CCDC150: variants seen among roughly 807,000 people sequenced by gnomAD.
The protein encoded by CCDC150 is coiled-coil domain-containing protein 150.
Under a neutral mutation model 156.5 loss-of-function variants are expected in CCDC150, and 151 were observed. The ratio of observed to expected loss-of-function variants is 0.97; its 90% CI spans 0.85 to 1.10. CCDC150 has a LOEUF of 1.10. Ranked by LOEUF, CCDC150 falls within the 50% of genes least tolerant of loss-of-function variation. The pLI, the probability that CCDC150 is intolerant of heterozygous loss-of-function variation, is 0.00. For missense variants in CCDC150, 1,312 were observed against 1,268.1 expected (o/e 1.03, Z -0.53); for synonymous variants, 452 against 429.4 (o/e 1.05, Z -0.65).
chr2:196,676,610 A>G lies in CCDC150; in HGVS notation c.1319A>G (p.Lys440Arg), dbSNP rs1694519734. The G allele has an allele frequency of 6.2e-7, 1 of 1,613,790 alleles. No homozygotes were observed. Among genetic ancestry groups the G allele is most frequent in the Non-Finnish European group, 8.5e-7 (1 of 1,179,734 alleles). The change falls in exon 12 of 28, where the codon AAG (lysine) becomes AGG (arginine). Residue 440 changes from lysine to arginine, a missense_variant. Lys to Arg is a conservative substitution (Grantham distance 26). Coordinates refer to ENST00000389175, the MANE Select transcript of CCDC150 (RefSeq NM_001080539.2). ...QCIQKAQDAE[K>R]RTAVQKELLE... ...ATCCAGAAAGCACAGGATGCTGAAA[A>G]GAGAACAGCTGTGCAAAAAGAGCTG...
intron 15 of CCDC150, among the ~76,000 whole-genome samples, chr2:196,705,362 C>T (rs372459241): frequency 6.6e-6 from 1 of 152,256 alleles, no homozygotes; most frequent in East Asian, 1.9e-4. Flanking sequence ...CTTTTGAAAA[C>T]TGTCTGTTCA....
chr2:196,671,984 C>G (rs1314468225), intron 8 of CCDC150, among the ~76,000 whole-genome samples: 1 of 152,154 alleles, frequency 6.6e-6, no homozygotes, highest in Non-Finnish European at 1.5e-5. Context: ...AAACTGTCTT[C>G]CAAAGTAGCT....
At chr2:196,685,910 A>G (rs999511680) in intron 13 of CCDC150, among the ~76,000 whole-genome samples, 5 of 152,040 alleles carry the variant, frequency 3.3e-5, no homozygotes, top group African/African-American at 9.7e-5. Flanking sequence ...CACCGCGCCC[A>G]GCCGGTTGAA....
intron 17 of CCDC150, among the ~76,000 whole-genome samples, chr2:196,715,113 A>ATT (rs1162022659): frequency 6.6e-6 from 1 of 152,102 alleles, no homozygotes; most frequent in Admixed American, 6.5e-5. Flanking sequence ...ATTTAGCAAT[A>ATT]TTTATCACAA....
At chr2:196,658,631 GTAATAA>G (rs893149349) in intron 4 of CCDC150, among the ~76,000 whole-genome samples, 155 bp from the exon 5 acceptor site, 20 of 151,936 alleles carry the variant, frequency 1.3e-4, no homozygotes, top group African/African-American at 4.6e-4. Context: ...GTAACTCCTG[GTAATAA>G]TTACTTCAGA....
rs1236211176 is a variant in CCDC150, at chr2:196,704,049, C to G, written c.1695+2869C>G. Reference sequence around the variant, plus strand: ...CTTGGAGCACATAACTCTTACAAGACAATTTAAAGGAAGAGCTGTATACTA... The same window carrying G: ...CTTGGAGCACATAACTCTTACAAGAGAATTTAAAGGAAGAGCTGTATACTA... On this transcript the variant is annotated intron_variant, in intron 15 of 27. Coordinates refer to ENST00000389175, the MANE Select transcript of CCDC150 (RefSeq NM_001080539.2). 2.0e-5 allele frequency among the ~76,000 whole-genome samples: 3 copies of G among 152,212 alleles called. No individual in the cohort carries two copies. In the East Asian group the frequency reaches 5.8e-4, roughly 29 times the overall value.
chr2:196,712,355 A>G, intron 16 of CCDC150, 103 bp downstream of exon 16: 1 of 649,814 alleles, frequency 1.5e-6, no homozygotes, highest in Non-Finnish European at 2.6e-6. Flanking sequence ...AGAAAGATAA[A>G]TATGCTGTCA....
chr2:196,704,180 A>T (rs1696431827), intron 15 of CCDC150, among the ~76,000 whole-genome samples: 1 of 152,258 alleles, frequency 6.6e-6, no homozygotes, highest in Non-Finnish European at 1.5e-5. Context: ...TTCAGAATCA[A>T]CTTGTTAATG....
chr2:196,676,308 T>C, intron 11 of CCDC150, 41 bp downstream of exon 11: 1 of 1,605,246 alleles, frequency 6.2e-7, no homozygotes, highest in Middle Eastern at 1.7e-4. Context: ...TCTTTTGTTC[T>C]TGCATGTGTG....
chr2:196,645,556 C>A (rs1692488031), intron 1 of CCDC150, among the ~76,000 whole-genome samples: 1 of 152,212 alleles, frequency 6.6e-6, no homozygotes, highest in South Asian at 2.1e-4. Flanking sequence ...AAAGTTTTCA[C>A]CAATTACCTT....
intron 23 of CCDC150, 51 bp from the exon 24 acceptor site, chr2:196,729,742 G>A: frequency 1.6e-6 from 2 of 1,254,010 alleles, no homozygotes; most frequent in South Asian, 1.4e-5. Context: ...AAAAGAGCAA[G>A]CCAGTTTTTC....
At chr2:196,683,199 T>G (rs747043240) in intron 13 of CCDC150, among the ~76,000 whole-genome samples, 1 of 152,012 alleles carries the variant, frequency 6.6e-6, no homozygotes, top group African/African-American at 2.4e-5. Flanking sequence ...CCCTCTATTC[T>G]CAGTTTGTTG....
At chr2:196,686,250 T>A (rs1409389453) in intron 13 of CCDC150, 1 of 263,540 alleles carries the variant, frequency 3.8e-6, no homozygotes, top group Admixed American at 4.2e-5. Flanking sequence ...ATTTACTTTA[T>A]GTCAGGCTTG....
At chr2:196,672,539 C>G (rs1694265718) in intron 9 of CCDC150, 102 bp downstream of exon 9, 1 of 530,698 alleles carries the variant, frequency 1.9e-6, no homozygotes, top group Non-Finnish European at 3.2e-6. Flanking sequence ...TTCATACCAT[C>G]TCCATCACCC....
chr2:196,676,809 C>G lies in CCDC150; in HGVS notation c.1440+78C>G, dbSNP rs1694532978. On this transcript the variant is annotated intron_variant, in intron 12 of 27. Coordinates refer to ENST00000389175, the MANE Select transcript of CCDC150 (RefSeq NM_001080539.2). Reference sequence around the variant, plus strand: ...AAAATTGCATTCTAAATGCAAAAGACAAGAAAAGAAATAAAACCCAGATGC... The same window carrying G: ...AAAATTGCATTCTAAATGCAAAAGAGAAGAAAAGAAATAAAACCCAGATGC... 3.9e-6 allele frequency: 5 copies of G among 1,295,842 alleles called. 1 individual carries two copies. The East Asian group carries it at 1.2e-4, about 30-fold the overall frequency. The allele number at this position is 1,295,842 out of a possible 1,614,324, so 80.3% of individuals were successfully genotyped here. A position where few individuals can be genotyped will look rare whatever the true frequency, so the allele number is the denominator to read the frequency against.
At chr2:196,654,217 C>T (rs1693049894) in intron 2 of CCDC150, among the ~76,000 whole-genome samples, 1 of 152,126 alleles carries the variant, frequency 6.6e-6, no homozygotes, top group Non-Finnish European at 1.5e-5. Flanking sequence ...AAGTATGGGA[C>T]TATGGAACTC....
intron 15 of CCDC150, among the ~76,000 whole-genome samples, chr2:196,703,442 G>A (rs937481261): frequency 6.6e-6 from 1 of 152,108 alleles, no homozygotes; most frequent in Non-Finnish European, 1.5e-5. Context: ...TTATGTGACC[G>A]TGGAAAGATC....
intron 17 of CCDC150, among the ~76,000 whole-genome samples, chr2:196,716,199 G>A (rs1204413150): frequency 6.6e-6 from 1 of 152,164 alleles, no homozygotes; most frequent in Non-Finnish European, 1.5e-5. Context: ...AAAATAGTTT[G>A]GGAATTTCTT....
chr2:196,668,618 G>A (rs575483130), intron 7 of CCDC150, among the ~76,000 whole-genome samples: 1 of 152,178 alleles, frequency 6.6e-6, no homozygotes, highest in African/African-American at 2.4e-5. Context: ...TTACTTTAAG[G>A]TACAAGTAGT....
Sources: gnomAD v4.1 joint callset for allele counts (sites outside exome capture counted in the v4.1 genomes callset) on GRCh38, gnomAD v4.1.1 for gene constraint, MANE v1.5 for transcripts, NCBI Gene and HGNC (gene_info 2026-07-23, HGNC 2026-07-21) for gene names.